PGBD2: variants seen among roughly 807,000 people sequenced by gnomAD.
PGBD2 encodes the protein piggyBac transposable element derived 2.
In PGBD2, 6 loss-of-function variants were observed where a neutral mutation model predicts 8.1. That is an observed-to-expected ratio of 0.74 (90% CI 0.40 to 1.46). The LOEUF is 1.46. Ranked by LOEUF, PGBD2 falls within the 40% of genes most tolerant of loss-of-function variation. PGBD2 has a pLI of 0.02. For synonymous variants in PGBD2, 318 were observed against 272.2 expected (o/e 1.17, Z -1.66); for missense variants, 802 against 739.0 (o/e 1.09, Z -0.99).
chr1:248,874,533 A>C, the PGBD2 span, among the ~76,000 whole-genome samples: 1 of 152,218 alleles, frequency 6.6e-6, no homozygotes, highest in Non-Finnish European at 1.5e-5. Flanking sequence ...AAAAAATGCC[A>C]GCAGCACAAA....
intron 1 of PGBD2, among the ~76,000 whole-genome samples, chr1:248,912,097 C>T (rs1661913528): frequency 6.6e-6 from 1 of 152,138 alleles, no homozygotes; most frequent in African/African-American, 2.4e-5. Flanking sequence ...CATGGGGTCC[C>T]TGTGGTGCTG....
Position 248,918,441 on chromosome 1 carries a change from T to C in PGBD2, c.*78T>C. ...AGATGGCAGTTGAGCACTTCTGTTT[T>C]GTGTTGGAAAAAAGACCTGAATTTC... On this transcript the variant is annotated 3_prime_UTR_variant, in exon 3 of 3. Coordinates refer to ENST00000329291, the MANE Select transcript of PGBD2 (RefSeq NM_170725.3). 1 of 1,421,126 alleles carries C rather than the reference T, an allele frequency of 7.0e-7. No individual in the cohort carries two copies. Among genetic ancestry groups the C allele is most frequent in the South Asian group, 1.5e-5 (1 of 67,286 alleles). 88.0% of individuals were successfully genotyped at this position (1,421,126 alleles called of 1,614,324 possible).
At chr1:248,889,465 T>G in the PGBD2 span, among the ~76,000 whole-genome samples, 1 of 152,178 alleles carries the variant, frequency 6.6e-6, no homozygotes, top group African/African-American at 2.4e-5. Flanking sequence ...TTAATATTGT[T>G]TTCATTTAAT....
downstream of PGBD2, among the ~76,000 whole-genome samples, chr1:248,920,876 G>T (rs1263320880): frequency 6.6e-6 from 1 of 152,064 alleles, no homozygotes; most frequent in Non-Finnish European, 1.5e-5. Context: ...GTTTTGATTT[G>T]CATTTATCTA....
chr1:248,926,838 A>G, the PGBD2 span, among the ~76,000 whole-genome samples: 1 of 152,184 alleles, frequency 6.6e-6, no homozygotes, highest in South Asian at 2.1e-4. Context: ...GAAAATCTTT[A>G]TGCTAATTTT....
chr1:248,894,034 C>T, the PGBD2 span, among the ~76,000 whole-genome samples: 1 of 151,990 alleles, frequency 6.6e-6, no homozygotes, highest in East Asian at 1.9e-4. Flanking sequence ...GTCTGCTGGC[C>T]CTGGCCATTT....
At position 248,917,055 on chromosome 1, in the gene PGBD2, T is replaced by C. The variant is rs759434994; in HGVS notation, c.471T>C (p.Ile157=). 5 of 1,613,866 alleles carry C rather than the reference T, an allele frequency of 3.1e-6. No individual in the cohort carries two copies. In the Admixed American group the frequency reaches 8.3e-5, roughly 27 times the overall value. The part of the protein sequence containing the change: ...LFFDEGTINF[I]VNETNRYAWQ... The stretch of plus-strand genomic sequence containing the variant: ...TTGATGAAGGAACAATTAATTTCAT[T>C]GTTAATGAAACCAATCGTTATGCTT... The change falls in exon 3 of 3, where the codon ATT becomes ATC. Residue 157 remains isoleucine, a synonymous_variant. Coordinates refer to ENST00000329291, the MANE Select transcript of PGBD2 (RefSeq NM_170725.3).
At chr1:248,898,396 C>T in the PGBD2 span, among the ~76,000 whole-genome samples, 178 of 152,290 alleles carry the variant, frequency 1.2e-3, 1 homozygote, top group East Asian at 0.026. Flanking sequence ...CCTCATGATC[C>T]GCCCACCTCG....
chr1:248,889,157 T>C, the PGBD2 span, among the ~76,000 whole-genome samples: 13 of 152,134 alleles, frequency 8.5e-5, no homozygotes, highest in Non-Finnish European at 1.6e-4. Flanking sequence ...GAGGCCAAGG[T>C]GGGCAGATCA....
rs1344862462 is a variant in PGBD2, at chr1:248,918,979, A to C, written c.*616A>C. On this transcript the variant is annotated 3_prime_UTR_variant, in exon 3 of 3. Transcript: ENST00000329291. ...TTTTGTGGGTACATAGTAGGAGTGTATTTTTATGGGTTACATGAGATATTC... is the reference window on the plus strand; with the variant it reads ...TTTTGTGGGTACATAGTAGGAGTGTCTTTTTATGGGTTACATGAGATATTC... 3 of 167,062 alleles carry C rather than the reference A, an allele frequency of 1.8e-5. No individual in the cohort carries two copies. The highest frequency in any genetic ancestry group is 4.4e-5 in the Non-Finnish European group (3 of 68,106). 10.3% of individuals were successfully genotyped at this position (167,062 alleles called of 1,614,324 possible). A position where few individuals can be genotyped will look rare whatever the true frequency, so the allele number is the denominator to read the frequency against.
the PGBD2 span, among the ~76,000 whole-genome samples, chr1:248,873,881 G>A: frequency 6.6e-5 from 10 of 152,206 alleles, no homozygotes; most frequent in Admixed American, 2.6e-4. Context: ...GGTCTAAGGC[G>A]CCAGACTCAA....
the PGBD2 span, among the ~76,000 whole-genome samples, chr1:248,876,558 A>G: frequency 6.6e-6 from 1 of 152,208 alleles, no homozygotes; most frequent in Non-Finnish European, 1.5e-5. Context: ...AGCTATAAAT[A>G]TAGGTAAGTG....
At chr1:248,900,097 C>CAAAAA in the PGBD2 span, among the ~76,000 whole-genome samples, 1 of 49,454 alleles carries the variant, frequency 2.0e-5, no homozygotes, top group African/African-American at 5.1e-5. Context: ...AATAGCCTAC[C>CAAAAA]AAAAAAAAAA....
In PGBD2 at chr1:248,916,665, G is replaced by A; in HGVS notation, c.81G>A (p.Leu27=). 1 of 1,614,186 alleles carries A rather than the reference G, an allele frequency of 6.2e-7. No homozygotes were observed. The highest frequency in any genetic ancestry group is 8.5e-7 in the Non-Finnish European group (1 of 1,180,028). The part of the protein sequence containing the change: ...KVKSAKLLEV[L]NAMEEEESNN... ...AGTCTGCAAAGCTGCTTGAGGTTCTGAATGCTATGGAGGAGGAAGAGTCCA... is the reference window on the plus strand; with the variant it reads ...AGTCTGCAAAGCTGCTTGAGGTTCTAAATGCTATGGAGGAGGAAGAGTCCA... Residue 27 remains leucine, a synonymous_variant, in exon 3 of 3, where the codon CTG becomes CTA. Transcript: ENST00000329291.
At chr1:248,911,920 G>A (rs35062498) in intron 1 of PGBD2, among the ~76,000 whole-genome samples, 6,676 of 152,006 alleles carry the variant, frequency 0.044, 188 homozygotes, top group African/African-American at 0.063. Flanking sequence ...TTGGAGATGC[G>A]CAGAGAGGGG....
At chr1:248,919,421 A>T (rs1558291755), downstream of PGBD2, 2 of 166,658 alleles carry the variant, frequency 1.2e-5, no homozygotes, top group Non-Finnish European at 2.9e-5. Context: ...ACTGAATATC[A>T]TTTTTTTGTG....
the PGBD2 span, among the ~76,000 whole-genome samples, chr1:248,875,348 A>T: frequency 6.6e-6 from 1 of 151,624 alleles, no homozygotes; most frequent in Non-Finnish European, 1.5e-5. Flanking sequence ...AAAAGAAAGA[A>T]AGTTGAGATC....
At position 248,919,142 on chromosome 1, in the gene PGBD2, C is replaced by G. The variant is rs1393025885; in HGVS notation, c.*779C>G. ...AAATGTGCAATTAAATTATTTTTAACTATATTCACCCTGTTGTGCTAGCAA... is the reference window on the plus strand; with the variant it reads ...AAATGTGCAATTAAATTATTTTTAAGTATATTCACCCTGTTGTGCTAGCAA... On this transcript the variant is annotated 3_prime_UTR_variant, in exon 3 of 3. Coordinates refer to ENST00000329291, the MANE Select transcript of PGBD2 (RefSeq NM_170725.3). 6.0e-6 allele frequency: 1 copy of G among 166,894 alleles called. No homozygotes were observed. Among genetic ancestry groups the G allele is most frequent in the Non-Finnish European group, 1.5e-5 (1 of 68,088 alleles). The allele number at this position is 166,894 out of a possible 1,614,324, so 10.3% of individuals were successfully genotyped here. A position where few individuals can be genotyped will look rare whatever the true frequency, so the allele number is the denominator to read the frequency against.
the PGBD2 span, among the ~76,000 whole-genome samples, chr1:248,898,375 T>C: frequency 6.6e-6 from 1 of 152,202 alleles, no homozygotes; most frequent in Non-Finnish European, 1.5e-5. Context: ...CTGCCACCTT[T>C]GCTCTCCTGA....
Sources: gnomAD v4.1 joint callset for allele counts (sites outside exome capture counted in the v4.1 genomes callset) on GRCh38, gnomAD v4.1.1 for gene constraint, MANE v1.5 for transcripts, NCBI Gene and HGNC (gene_info 2026-07-23, HGNC 2026-07-21) for gene names.